The following MMP16 variants were observed in gnomAD, a reference collection of about 807,000 sequenced individuals.
MMP16 encodes the protein matrix metallopeptidase 16, also known as matrix metalloproteinase-16.
MMP16 carries 12 observed loss-of-function variants against 67.8 expected under a neutral mutation model. The ratio of observed to expected loss-of-function variants is 0.18; its 90% CI spans 0.11 to 0.29. The LOEUF (loss-of-function observed/expected upper bound fraction) is 0.29. Among genes scored for constraint, MMP16 ranks in the 10% least tolerant of loss-of-function variants. MMP16 has a pLI of 1.00. For synonymous variants in MMP16, 249 were observed against 255.9 expected (o/e 0.97, Z 0.26); for missense variants, 475 against 765.7 (o/e 0.62, Z 4.48).
intron 6 of MMP16, among the ~76,000 whole-genome samples, chr8:88,112,773 G>A (rs1016426430): frequency 6.6e-6 from 1 of 151,434 alleles, no homozygotes; most frequent in African/African-American, 2.4e-5. Context: ...TGGATGCCTG[G>A]AAAGTACAAT....
chr8:88,158,549 T>C (rs1808555586), intron 4 of MMP16, among the ~76,000 whole-genome samples: 1 of 152,248 alleles, frequency 6.6e-6, no homozygotes, highest in Non-Finnish European at 1.5e-5. Flanking sequence ...GAGTTCATTG[T>C]AGATTCTGCA....
intron 1 of MMP16, among the ~76,000 whole-genome samples, chr8:88,201,096 C>T (rs1317000530): frequency 7.8e-6 from 1 of 128,914 alleles, no homozygotes; most frequent in Non-Finnish European, 1.6e-5. Context: ...ATAGAGAAAA[C>T]ATCTTGAAAT....
At chr8:88,149,632 A>G (rs1157126208) in intron 4 of MMP16, among the ~76,000 whole-genome samples, 1 of 151,506 alleles carries the variant, frequency 6.6e-6, no homozygotes, top group Non-Finnish European at 1.5e-5. Context: ...GTATTCCAAC[A>G]GACCTGCAGC....
At chr8:88,149,273 G>C (rs187491798) in intron 4 of MMP16, among the ~76,000 whole-genome samples, 22 of 152,334 alleles carry the variant, frequency 1.4e-4, no homozygotes, top group African/African-American at 3.8e-4. Context: ...AGGCGGCAGC[G>C]AGGCTGGGTG....
chr8:88,167,587 T>C, intron 4 of MMP16, 82 bp downstream of exon 4: 1 of 1,352,224 alleles, frequency 7.4e-7, no homozygotes, highest in African/African-American at 1.5e-5. Flanking sequence ...ATCTATACCT[T>C]AAGTTTGTAA....
chr8:88,248,132 A>G (rs563014343), intron 1 of MMP16, among the ~76,000 whole-genome samples: 21 of 152,192 alleles, frequency 1.4e-4, no homozygotes, highest in African/African-American at 4.6e-4. Flanking sequence ...ACAGTCTGTC[A>G]TCATCTACCC....
chr8:88,244,033 T>C (rs907092565), intron 1 of MMP16, among the ~76,000 whole-genome samples: 4 of 57,332 alleles, frequency 7.0e-5, no homozygotes, highest in African/African-American at 2.2e-4. Context: ...AATGAAGTTT[T>C]TTTTTTTAAT....
intron 4 of MMP16, among the ~76,000 whole-genome samples, chr8:88,142,584 T>C (rs1484519481): frequency 2.0e-5 from 3 of 152,162 alleles, no homozygotes; most frequent in African/African-American, 7.2e-5. Flanking sequence ...ATTGTTTATA[T>C]GATTAAAAAT....
chr8:88,192,671 G>A (rs1170967629), intron 2 of MMP16, among the ~76,000 whole-genome samples: 1 of 152,080 alleles, frequency 6.6e-6, no homozygotes, highest in Non-Finnish European at 1.5e-5. Flanking sequence ...TTAGACAAAA[G>A]AATAAAAATC....
chr8:88,172,007 G>A lies in MMP16; in HGVS notation c.405-4034C>T, dbSNP rs530262619. On this transcript the variant is annotated intron_variant, in intron 3 of 9. Coordinates refer to ENST00000286614, the MANE Select transcript of MMP16 (RefSeq NM_005941.5). ...ACAGCCAGTGAATTTTTGTATTTTT[G>A]GTAGAGATGAGGTTTCACCATGTTG... Among the ~76,000 whole-genome samples, 5 of 151,946 alleles carry A rather than the reference G, an allele frequency of 3.3e-5. 1 individual carries two copies. The Middle Eastern group carries it at 0.017, about 517-fold the overall frequency.
chr8:88,153,954 C>T, intron 4 of MMP16, among the ~76,000 whole-genome samples: 1 of 150,574 alleles, frequency 6.6e-6, no homozygotes, highest in South Asian at 2.1e-4. Context: ...AGAAAATTTT[C>T]ACAACCTACT....
Position 88,147,921 on chromosome 8 carries a change from C to T in MMP16, c.709+19748G>A, listed in dbSNP as rs543860154. Among the ~76,000 whole-genome samples the T allele has an allele frequency of 7.2e-5, 11 of 152,220 alleles. No homozygotes were observed. In the South Asian group the frequency reaches 1.7e-3, roughly 23 times the overall value. On this transcript the variant is annotated intron_variant, in intron 4 of 9. Transcript: ENST00000286614. The stretch of plus-strand genomic sequence containing the variant: ...TTTGCACTTTGCATACTCTTTCCCC[C>T]GTTTTCTCCTTCTGGGACTCCAATT...
chr8:88,158,932 C>T (rs1386983709), intron 4 of MMP16, among the ~76,000 whole-genome samples: 1 of 152,116 alleles, frequency 6.6e-6, no homozygotes, highest in South Asian at 2.1e-4. Context: ...AATCCTTTCC[C>T]CATTTCTTGT....
intron 1 of MMP16, among the ~76,000 whole-genome samples, chr8:88,279,950 T>C (rs1318255654): frequency 1.3e-5 from 2 of 152,164 alleles, no homozygotes; most frequent in Non-Finnish European, 2.9e-5. Context: ...GGAGCCAGAA[T>C]GTTCATGACC....
At chr8:88,146,932 G>T (rs891856927) in intron 4 of MMP16, among the ~76,000 whole-genome samples, 15 of 151,794 alleles carry the variant, frequency 9.9e-5, no homozygotes, top group Admixed American at 6.6e-5. Flanking sequence ...CTATATAGCA[G>T]GTATAAATGT....
At chr8:88,114,046 G>A (rs1289544980) in intron 6 of MMP16, among the ~76,000 whole-genome samples, 1 of 151,824 alleles carries the variant, frequency 6.6e-6, no homozygotes, top group Admixed American at 6.6e-5. Flanking sequence ...CTACCTCTCA[G>A]AAGTGTTTCA....
intron 1 of MMP16, among the ~76,000 whole-genome samples, chr8:88,305,490 T>A (rs1352832310): frequency 6.6e-6 from 1 of 152,202 alleles, no homozygotes; most frequent in Non-Finnish European, 1.5e-5. Flanking sequence ...GAATATATAT[T>A]CTTCTCATTG....
Position 88,254,673 on chromosome 8 carries a change from C to A in MMP16, c.133-57367G>T, listed in dbSNP as rs181450419. On this transcript the variant is annotated intron_variant, in intron 1 of 9. Coordinates refer to ENST00000286614, the MANE Select transcript of MMP16 (RefSeq NM_005941.5). ...ATAAATGTCTGAAACCTGTACATAA[C>A]AACACTGTGAAGATGATAAAAAATA... Among the ~76,000 whole-genome samples, 29 of 152,118 alleles carry A rather than the reference C, an allele frequency of 1.9e-4. 1 individual carries two copies. The highest frequency in any genetic ancestry group is 6.7e-4 in the African/African-American group (28 of 41,520).
intron 1 of MMP16, among the ~76,000 whole-genome samples, chr8:88,212,966 T>C (rs188215332): frequency 7.2e-5 from 11 of 152,296 alleles, no homozygotes; most frequent in Non-Finnish European, 1.6e-4. Context: ...AAAACTCTAC[T>C]TCTGAATAAA....
Sources: allele counts gnomAD v4.1 joint callset (sites outside exome capture counted in the v4.1 genomes callset), GRCh38; gene constraint gnomAD v4.1.1; transcripts MANE v1.5; gene names NCBI Gene and HGNC (gene_info 2026-07-23, HGNC 2026-07-21).